TOP3A: variants seen among roughly 807,000 people sequenced by gnomAD.
TOP3A encodes DNA topoisomerase III alpha.
TOP3A carries 64 observed loss-of-function variants against 111.3 expected under a neutral mutation model. The observed-to-expected ratio is 0.57, with a 90% CI of 0.47 to 0.71. The LOEUF is 0.71. TOP3A is among the 30% of genes least tolerant of loss of function. The pLI is 0.00. For missense variants in TOP3A, 1,104 were observed against 1,285.0 expected (o/e 0.86, Z 2.15); for synonymous variants, 484 against 485.1 (o/e 1.00, Z 0.03).
At chr17:18,300,094 T>C (rs1468826288) in intron 8 of TOP3A, among the ~76,000 whole-genome samples, 2 of 151,986 alleles carry the variant, frequency 1.3e-5, no homozygotes, top group African/African-American at 2.4e-5. Flanking sequence ...TTCAGGATAA[T>C]ACAGTTAGAA....
At chr17:18,287,624 A>G (rs1279012478) in intron 13 of TOP3A, among the ~76,000 whole-genome samples, 1 of 152,016 alleles carries the variant, frequency 6.6e-6, no homozygotes, top group African/African-American at 2.4e-5. Flanking sequence ...GCTGAGGTGG[A>G]AGGATCCCTT....
At chr17:18,304,667 T>C (rs2142986683) in intron 5 of TOP3A, among the ~76,000 whole-genome samples, 1 of 152,348 alleles carries the variant, frequency 6.6e-6, no homozygotes, top group East Asian at 1.9e-4. Context: ...ATATTCATTC[T>C]TTTATACATA....
In TOP3A at chr17:18,273,796, T is replaced by TTTTTAACATATA. The variant is rs1170531636; in HGVS notation, c.*1005_*1006insTATATGTTAAAA. The TTTTTAACATATA allele has an allele frequency of 2.0e-5, 3 of 152,136 alleles. No individual in the cohort carries two copies. The highest frequency in any genetic ancestry group is 7.2e-5 in the African/African-American group (3 of 41,420). 9.4% of individuals were successfully genotyped at this position (152,136 alleles called of 1,614,324 possible). A position where few individuals can be genotyped will look rare whatever the true frequency, so the allele number is the denominator to read the frequency against. On this transcript the variant is annotated 3_prime_UTR_variant, in exon 19 of 19. Transcript: ENST00000321105. ...GACGTGTACAACTGTGCTTGTTATATTTTTAAAAATAGAGACAAGGTCTAA... is the reference window on the plus strand; with the variant it reads ...GACGTGTACAACTGTGCTTGTTATATTTTTAACATATATTTTAAAAATAGAGACAAGGTCTAA...
Position 18,302,138 on chromosome 17 carries a change from G to A in TOP3A, c.814+126C>T. 3.6e-6 allele frequency: 5 copies of A among 1,375,474 alleles called. No individual in the cohort carries two copies. In the South Asian group the frequency reaches 6.5e-5, roughly 18 times the overall value. The allele number at this position is 1,375,474 out of a possible 1,614,324, so 85.2% of individuals were successfully genotyped here. On this transcript the variant is annotated intron_variant, in intron 7 of 18. Coordinates refer to ENST00000321105, the MANE Select transcript of TOP3A (RefSeq NM_004618.5). ...AGGGAACTTTAAGTGGATTGTAATG[G>A]GCCAGGGAGGATGACAGCAAGACTA...
In TOP3A at chr17:18,314,714, GA is replaced by G; in HGVS notation, c.64del (p.Ser22ProfsTer37). The G allele has an allele frequency of 6.2e-7, 1 of 1,603,962 alleles. No homozygotes were observed. Among genetic ancestry groups the G allele is most frequent in the Non-Finnish European group, 8.5e-7 (1 of 1,175,638 alleles). ...WLRRPEDRAF[S>X]RAAMEMALRG... Reference sequence around the variant, plus strand: ...GAGGGCCATCTCCATGGCGGCGCGGGAAAAGGCACGGTCTTCGGGCCGTCGC... The same window carrying G: ...GAGGGCCATCTCCATGGCGGCGCGGGAAAGGCACGGTCTTCGGGCCGTCGC... On this transcript the variant is annotated frameshift_variant, in exon 1 of 19. Coordinates refer to ENST00000321105, the MANE Select transcript of TOP3A (RefSeq NM_004618.5). LOFTEE classifies it high-confidence loss of function.
intron 2 of TOP3A, 167 bp from the exon 3 acceptor site, chr17:18,308,591 C>T: frequency 1.9e-6 from 1 of 537,740 alleles, no homozygotes; most frequent in Non-Finnish European, 3.3e-6. Context: ...CACAGGAATA[C>T]AATCACCATT....
Position 18,274,698 on chromosome 17 carries a change from C to CA in TOP3A, c.*103_*104insT. On this transcript the variant is annotated 3_prime_UTR_variant, in exon 19 of 19. Coordinates refer to ENST00000321105, the MANE Select transcript of TOP3A (RefSeq NM_004618.5). The stretch of plus-strand genomic sequence containing the variant: ...CGACTCCAAAGGCCAACACTGTCCT[C>CA]TAAGTTTCCAGGACACTAAATGGCC... The CA allele has an allele frequency of 3.3e-6, 5 of 1,517,204 alleles. No homozygotes were observed. In the Admixed American group the frequency reaches 6.5e-5, roughly 20 times the overall value. 94.0% of individuals were successfully genotyped at this position (1,517,204 alleles called of 1,614,324 possible). A position where few individuals can be genotyped will look rare whatever the true frequency, so the allele number is the denominator to read the frequency against.
chr17:18,306,842 T>C (rs1221291506), intron 4 of TOP3A, 49 bp downstream of exon 4: 1 of 1,235,664 alleles, frequency 8.1e-7, no homozygotes, highest in Admixed American at 1.8e-5. Context: ...ATCACTCTGT[T>C]TGACTCTGTG....
chr17:18,308,689 A>G, intron 2 of TOP3A, 193 bp downstream of exon 2: 1 of 482,450 alleles, frequency 2.1e-6, no homozygotes, highest in Non-Finnish European at 3.6e-6. Flanking sequence ...TTTGTAATGA[A>G]GAGCTGAGAT....
intron 12 of TOP3A, 47 bp from the exon 13 acceptor site, chr17:18,290,733 C>A (rs770016700): frequency 1.3e-6 from 2 of 1,575,982 alleles, no homozygotes; most frequent in Non-Finnish European, 8.6e-7. Flanking sequence ...CATCAGCACA[C>A]TCAGGCAAAA....
At chr17:18,310,226 A>G (rs1981829050) in intron 1 of TOP3A, among the ~76,000 whole-genome samples, 1 of 151,916 alleles carries the variant, frequency 6.6e-6, no homozygotes, top group African/African-American at 2.4e-5. Context: ...GGAGTTTGAG[A>G]CCAGCCTGGC....
At chr17:18,283,808 C>T (rs991423615) in intron 15 of TOP3A, among the ~76,000 whole-genome samples, 18 of 152,164 alleles carry the variant, frequency 1.2e-4, no homozygotes, top group African/African-American at 4.3e-4. Flanking sequence ...GAGTGGCTCA[C>T]AGAGCTCAGG....
intron 13 of TOP3A, among the ~76,000 whole-genome samples, chr17:18,288,361 C>T (rs760073478): frequency 2.0e-5 from 3 of 151,862 alleles, no homozygotes; most frequent in Non-Finnish European, 2.9e-5. Context: ...CCATGTTGTC[C>T]AGGCTGGTCT....
In TOP3A at chr17:18,274,854, C is replaced by A; in HGVS notation, c.2954G>T (p.Ser985Ile). The A allele has an allele frequency of 6.2e-7, 1 of 1,614,202 alleles. No homozygotes were observed. The highest frequency in any genetic ancestry group is 8.5e-7 in the Non-Finnish European group (1 of 1,180,038). The change falls in exon 19 of 19, where the codon AGC (serine) becomes ATC (isoleucine). Residue 985 changes from serine to isoleucine, a missense_variant. Transcript: ENST00000321105. Reference sequence around the variant, plus strand: ...GGTGTGTCCAGGCTGGTGGCAAAGGCTGCATTTCCGGGGTTTCTTTGCTGT... The same window carrying A: ...GGTGTGTCCAGGCTGGTGGCAAAGGATGCATTTCCGGGGTTTCTTTGCTGT... ...GSTAKKPRKC[S>I]LCHQPGHTRP...
At chr17:18,296,929 ATATT>A (rs1177234743) in intron 9 of TOP3A, among the ~76,000 whole-genome samples, 3 of 152,236 alleles carry the variant, frequency 2.0e-5, no homozygotes, top group Non-Finnish European at 4.4e-5. Context: ...ATTTAAAGCA[ATATT>A]TATACAGATT....
chr17:18,281,431 T>C lies in TOP3A; in HGVS notation c.2022-773A>G, dbSNP rs568459388. On this transcript the variant is annotated intron_variant, in intron 16 of 18. Coordinates refer to ENST00000321105, the MANE Select transcript of TOP3A (RefSeq NM_004618.5). ...AAAGAATAACAGAAGAACAAACGAA[T>C]AACTAAAGAATAATAATAATTCTCC... 2.6e-5 allele frequency among the ~76,000 whole-genome samples: 4 copies of C among 152,104 alleles called. No individual in the cohort carries two copies. In the South Asian group the frequency reaches 8.3e-4, roughly 32 times the overall value.
rs1463618594 is a variant in TOP3A at position 18,295,802 on chromosome 17, T to C, written c.991-1017A>G. On this transcript the variant is annotated intron_variant, in intron 9 of 18. Coordinates refer to ENST00000321105, the MANE Select transcript of TOP3A (RefSeq NM_004618.5). ...TTTTTTTTCACATGGAGTCTTGCTC[T>C]GTCATCCAGGCTGGAGTGCAGTGGC... Among the ~76,000 whole-genome samples the C allele has an allele frequency of 2.0e-5, 3 of 146,480 alleles. No homozygotes were observed. In the East Asian group the frequency reaches 6.2e-4, roughly 30 times the overall value.
rs969895612 is a variant in TOP3A at position 18,279,413 on chromosome 17, C to T, written c.2145-1056G>A. Among the ~76,000 whole-genome samples the T allele has an allele frequency of 7.9e-5, 12 of 151,784 alleles. No homozygotes were observed. In the East Asian group the frequency reaches 1.9e-3, roughly 25 times the overall value. ...CTGGGACTACAGGCGCCCACCAGTA[C>T]GCCTGGCTGATTTTTTGTATTTTTA... On this transcript the variant is annotated intron_variant, in intron 17 of 18. Coordinates refer to ENST00000321105, the MANE Select transcript of TOP3A (RefSeq NM_004618.5).
In TOP3A at chr17:18,290,886, G is replaced by A. The variant is rs756340335; in HGVS notation, c.1423C>T (p.Arg475Ter). 3.1e-6 allele frequency: 5 copies of A among 1,613,994 alleles called. No individual in the cohort carries two copies. Among genetic ancestry groups the A allele is most frequent in the African/African-American group, 1.3e-5 (1 of 74,860 alleles). ...FVAHGLMILARNYLDVYPYDH... is the reference protein window; with the variant it reads ...FVAHGLMILA ...TATGGATACACATCCAGATAGTTTC[G>A]GGCCAGAATCATGAGGCCATGGGCC... Residue 475 changes from arginine to a stop codon, truncating the protein, a stop_gained, in exon 12 of 19, where the codon CGA becomes TGA. Coordinates refer to ENST00000321105, the MANE Select transcript of TOP3A (RefSeq NM_004618.5). LOFTEE classifies it high-confidence loss of function.
Sources: allele counts gnomAD v4.1 joint callset (sites outside exome capture counted in the v4.1 genomes callset), GRCh38; gene constraint gnomAD v4.1.1; transcripts MANE v1.5; gene names NCBI Gene and HGNC (gene_info 2026-07-23, HGNC 2026-07-21).